GPX3: variants seen among roughly 807,000 people sequenced by gnomAD.
The protein encoded by GPX3 is GPx-3.
GPX3 carries 22 observed loss-of-function variants against 25.1 expected under a neutral mutation model. The observed-to-expected ratio is 0.88, with a 90% CI of 0.63 to 1.25. The LOEUF is 1.25. Among genes scored for constraint, GPX3 ranks in the 50% most tolerant of loss-of-function variants. The probability of loss-of-function intolerance (pLI) is 0.00; values close to 1 mark genes in which losing one functional copy is unlikely to be tolerated. For missense variants in GPX3, 278 were observed against 286.6 expected (o/e 0.97, Z 0.22); for synonymous variants, 110 against 114.5 (o/e 0.96, Z 0.25).
rs1360116168 is a variant in GPX3 at position 151,020,741 on chromosome 5, G to A, written c.87G>A (p.Lys29=). The A allele has an allele frequency of 6.2e-7, 1 of 1,611,270 alleles. No homozygotes were observed. Among genetic ancestry groups the A allele is most frequent in the South Asian group, 1.1e-5 (1 of 90,686 alleles). ...AGAGCCGGGGACAAGAGAAGTCGAAGGTGAGTGAGCCTCCGGGCCGGGGGC... is the reference window on the plus strand; with the variant it reads ...AGAGCCGGGGACAAGAGAAGTCGAAAGTGAGTGAGCCTCCGGGCCGGGGGC... ...VSQSRGQEKS[K]MDCHGGISGT... Residue 29 remains lysine, a splice_region_variant and synonymous_variant, in exon 1 of 5, where the codon AAG becomes AAA. Coordinates refer to ENST00000388825, the MANE Select transcript of GPX3 (RefSeq NM_002084.5).
chr5:151,022,566 G>A (rs532931588), intron 1 of GPX3, among the ~76,000 whole-genome samples: 2 of 152,304 alleles, frequency 1.3e-5, no homozygotes, highest in East Asian at 1.9e-4. Context: ...AGGGTTATGG[G>A]GCATGTGGAG....
At chr5:151,027,364 TC>T in intron 3 of GPX3, 67 bp from the exon 4 acceptor site, 2 of 998,618 alleles carry the variant, frequency 2.0e-6, no homozygotes, top group Non-Finnish European at 3.2e-6. Flanking sequence ...CCCTGTTCTG[TC>T]CCTTCCTCTC....
intron 1 of GPX3, 22 bp downstream of exon 1, chr5:151,020,763 G>A (rs1756461569): frequency 1.2e-6 from 2 of 1,602,346 alleles, no homozygotes; most frequent in Non-Finnish European, 1.7e-6. Context: ...TCCGGGCCGG[G>A]GGCCGGGAGA....
intron 2 of GPX3, chr5:151,026,560 G>A (rs1190637670): frequency 1.3e-5 from 3 of 228,116 alleles, no homozygotes; most frequent in Non-Finnish European, 2.6e-5. Context: ...ATCCAGGGAT[G>A]GATAGTTCTT....
chr5:151,023,546 T>C (rs1756507503), intron 1 of GPX3, among the ~76,000 whole-genome samples: 1 of 152,192 alleles, frequency 6.6e-6, no homozygotes, highest in Non-Finnish European at 1.5e-5. Context: ...TGTTTACAAG[T>C]TCCCATTATT....
rs781596538 is a variant in GPX3 at position 151,025,457 on chromosome 5, G to A, written c.205G>A (p.Val69Met). 1.5e-5 allele frequency: 24 copies of A among 1,611,756 alleles called. No individual in the cohort carries two copies. Among genetic ancestry groups the A allele is most frequent in the East Asian group, 2.2e-5 (1 of 44,688 alleles). Residue 69 changes from valine (V) to methionine (M), a missense_variant, in exon 2 of 5, where the codon GTG becomes ATG. Coordinates refer to ENST00000388825, the MANE Select transcript of GPX3 (RefSeq NM_002084.5). ...YAGKYVLFVN[V>M]ASYUGLTGQY... ...TGGCAAATACGTCCTCTTTGTCAAC[G>A]TGGCCAGCTACTGAGGCCTGACGGG...
intron 2 of GPX3, 54 bp downstream of exon 2, chr5:151,025,547 A>G (rs575952427): frequency 4.9e-5 from 72 of 1,475,482 alleles, no homozygotes; most frequent in Non-Finnish European, 6.5e-5. Flanking sequence ...GCATATTTCA[A>G]TCACAGGAGC....
chr5:151,020,749 A>AACT lies in GPX3; in HGVS notation c.87+8_87+9insACT. The AACT allele has an allele frequency of 6.2e-7, 1 of 1,609,950 alleles. No homozygotes were observed. On this transcript the variant is annotated intron_variant, in intron 1 of 4. Transcript: ENST00000388825. The stretch of plus-strand genomic sequence containing the variant: ...GGACAAGAGAAGTCGAAGGTGAGTG[A>AACT]GCCTCCGGGCCGGGGGCCGGGAGAA...
rs771337658 is a variant in GPX3 at position 151,027,988 on chromosome 5, G to A, written c.539G>A (p.Arg180His). Reference protein sequence around the residue: ...FWEPMKVHDIRWNFEKFLVGP... With the variant: ...FWEPMKVHDIHWNFEKFLVGP... ...GAACCCATGAAGGTTCACGACATCCGCTGGAACTTTGAGAAGTTCCTGGTG... is the reference window on the plus strand; with the variant it reads ...GAACCCATGAAGGTTCACGACATCCACTGGAACTTTGAGAAGTTCCTGGTG... Residue 180 changes from arginine (R) to histidine (H), a missense_variant, in exon 5 of 5, where the codon CGC (arginine) becomes CAC (histidine). By Grantham distance (29) the Arg-to-His change is conservative. Transcript: ENST00000388825. 5 of 1,614,192 alleles carry A rather than the reference G, an allele frequency of 3.1e-6. No homozygotes were observed. The South Asian group carries it at 3.3e-5, about 11-fold the overall frequency.
Position 151,028,170 on chromosome 5 carries a change from G to A in GPX3, c.*40G>A. On this transcript the variant is annotated 3_prime_UTR_variant, in exon 5 of 5. Coordinates refer to ENST00000388825, the MANE Select transcript of GPX3 (RefSeq NM_002084.5). ...ATCCCATGTCCACCATGTAGGGGAG[G>A]GACTTTGTTCAGGAAGAAATCCGTG... 6.6e-7 allele frequency: 1 copy of A among 1,520,590 alleles called. No individual in the cohort carries two copies. The highest frequency in any genetic ancestry group is 2.4e-5 in the East Asian group (1 of 40,930). 94.2% of individuals were successfully genotyped at this position (1,520,590 alleles called of 1,614,324 possible).
chr5:151,022,919 G>A (rs1260070804), intron 1 of GPX3, among the ~76,000 whole-genome samples: 1 of 152,094 alleles, frequency 6.6e-6, no homozygotes, highest in Admixed American at 6.5e-5. Context: ...CCAGCAAAGG[G>A]GGTCACATGG....
At chr5:151,023,634 G>A (rs1242174223) in intron 1 of GPX3, among the ~76,000 whole-genome samples, 1 of 152,170 alleles carries the variant, frequency 6.6e-6, no homozygotes, top group Admixed American at 6.5e-5. Flanking sequence ...AAAGTGGAGA[G>A]GCTATAGACA....
chr5:151,027,431 G>T lies in GPX3; in HGVS notation c.360-1G>T. On this transcript the variant is annotated splice_acceptor_variant, in intron 3 of 4. Transcript: ENST00000388825. LOFTEE classifies it high-confidence loss of function. The stretch of plus-strand genomic sequence containing the variant: ...ACCCACCTAAGAACATTTCTCAACA[G>T]GTATGTCCGACCAGGTGGAGGCTTT... The T allele has an allele frequency of 6.2e-7, 1 of 1,608,064 alleles. No homozygotes were observed. The highest frequency in any genetic ancestry group is 2.2e-5 in the East Asian group (1 of 44,850).
rs140697972 is a variant in GPX3, at chr5:151,027,779, C to T, written c.460-130C>T. On this transcript the variant is annotated intron_variant, in intron 4 of 4. Coordinates refer to ENST00000388825, the MANE Select transcript of GPX3 (RefSeq NM_002084.5). ...CACAATCTTCTAGAGCCACAGCTGG[C>T]GCTGGCAGTCTTCTAACTCCCAAAC... is the stretch of plus-strand genomic sequence containing the variant. 1,141 of 799,082 alleles carry T rather than the reference C, an allele frequency of 1.4e-3. 3 individuals carry two copies. Among genetic ancestry groups the T allele is most frequent in the East Asian group, 2.2e-3 (87 of 39,196 alleles). 49.5% of individuals were successfully genotyped at this position (799,082 alleles called of 1,614,324 possible).
In GPX3 at chr5:151,028,194, T is replaced by C; in HGVS notation, c.*64T>C. 7.1e-7 allele frequency: 1 copy of C among 1,417,920 alleles called. No individual in the cohort carries two copies. The highest frequency in any genetic ancestry group is 9.7e-7 in the Non-Finnish European group (1 of 1,026,252). 87.8% of individuals were successfully genotyped at this position (1,417,920 alleles called of 1,614,324 possible). ...GGGACTTTGTTCAGGAAGAAATCCG[T>C]GTCTCCAACCACACTATCTACCCAT... On this transcript the variant is annotated 3_prime_UTR_variant, in exon 5 of 5. Coordinates refer to ENST00000388825, the MANE Select transcript of GPX3 (RefSeq NM_002084.5).
At chr5:151,027,065 C>A (rs1756561666) in intron 3 of GPX3, 48 bp downstream of exon 3, 2 of 1,238,780 alleles carry the variant, frequency 1.6e-6, no homozygotes, top group South Asian at 1.2e-5. Context: ...ACATGGCCCA[C>A]ATCTTGTTAT....
chr5:151,025,315 G>T, intron 1 of GPX3, 25 bp from the exon 2 acceptor site: 1 of 1,519,188 alleles, frequency 6.6e-7, no homozygotes, highest in South Asian at 1.3e-5. Flanking sequence ...AGCTCTAACT[G>T]CTCCTTTTAT....
At position 151,025,440 on chromosome 5, in the gene GPX3, AC is replaced by A; in HGVS notation, c.189del (p.Tyr63Ter). 1 of 1,613,028 alleles carries A rather than the reference AC, an allele frequency of 6.2e-7. No homozygotes were observed. Among genetic ancestry groups the A allele is most frequent in the Non-Finnish European group, 8.5e-7 (1 of 1,179,522 alleles). On this transcript the variant is annotated frameshift_variant, in exon 2 of 5. Coordinates refer to ENST00000388825, the MANE Select transcript of GPX3 (RefSeq NM_002084.5). LOFTEE classifies it high-confidence loss of function. The part of the protein sequence containing the change: ...YIPFKQYAGK[Y>X]VLFVNVASYU... ...CCCTTCAAGCAGTATGCTGGCAAAT[AC>A]GTCCTCTTTGTCAACGTGGCCAGCT...
At chr5:151,026,629 G>T in intron 2 of GPX3, 1 of 372,762 alleles carries the variant, frequency 2.7e-6, no homozygotes, top group Non-Finnish European at 4.8e-6. Context: ...CCCAGGTGGA[G>T]GGCCTTGGCA....
Sources: gnomAD v4.1 joint callset for allele counts (sites outside exome capture counted in the v4.1 genomes callset) on GRCh38, gnomAD v4.1.1 for gene constraint, MANE v1.5 for transcripts, NCBI Gene and HGNC (gene_info 2026-07-23, HGNC 2026-07-21) for gene names.